Variants in OGT observed in about 807,000 individuals in gnomAD.
OGT encodes the protein O-linked N-acetylglucosamine (GlcNAc) transferase, also known as UDP-N-acetylglucosamine--peptide N-acetylglucosaminyltransferase 110 kDa subunit.
Under a neutral mutation model 75.8 loss-of-function variants are expected in OGT, and 3 were observed. The ratio of observed to expected loss-of-function variants is 0.04; its 90% confidence interval spans 0.02 to 0.10. The LOEUF (loss-of-function observed/expected upper bound fraction) is 0.10. OGT is among the 10% of genes least tolerant of loss of function. The probability of loss-of-function intolerance (pLI) is 1.00; values close to 1 mark genes in which losing one functional copy is unlikely to be tolerated. For missense variants in OGT, 260 were observed against 824.4 expected (o/e 0.32, Z 8.38); for synonymous variants, 257 against 289.7 (o/e 0.89, Z 1.15).
intron 5 of OGT, among the ~76,000 whole-genome samples, chrX:71,550,488 A>G (rs1341954930): frequency 9.0e-6 from 1 of 111,051 alleles, no homozygotes; most frequent in Non-Finnish European, 1.9e-5. Flanking sequence ...GGCTCAAGTG[A>G]TCCTCCCACC....
intron 7 of OGT, 94 bp from the exon 8 acceptor site, chrX:71,555,860 C>A: frequency 9.9e-7 from 1 of 1,014,928 alleles, no homozygotes; most frequent in Non-Finnish European, 1.3e-6. Context: ...GTAGCATTAC[C>A]AGCCATTAGG....
intron 2 of OGT, 163 bp downstream of exon 2, chrX:71,536,521 A>G (rs1036220154): frequency 2.7e-6 from 1 of 374,281 alleles, no homozygotes; most frequent in Non-Finnish European, 4.5e-6. Context: ...CCCAGCTGCC[A>G]GTTTTTCTCC....
intron 4 of OGT, chrX:71,546,435 T>TC (rs2040259464): frequency 2.7e-6 from 2 of 751,262 alleles, no homozygotes; most frequent in Admixed American, 1.8e-4. Context: ...ACACACAACC[T>TC]CCTCCTCCTC....
rs1157508212 is a variant in OGT at position 71,557,311 on chromosome X, G to A, written c.1422+15G>A. ...ATTGCCTGCAGGTAAAGAATAACAG[G>A]CCAGTAATTGGCTCTCAGTGTTGTA... On this transcript the variant is annotated intron_variant, in intron 11 of 21. Transcript: ENST00000373719. 2.6e-6 allele frequency: 3 copies of A among 1,141,283 alleles called. No individual in the cohort carries two copies. Among genetic ancestry groups the A allele is most frequent in the Admixed American group, 4.6e-5 (2 of 43,698 alleles). The allele number at this position is 1,141,283 out of a possible 1,213,427, so 94.1% of individuals were successfully genotyped here.
intron 21 of OGT, among the ~76,000 whole-genome samples, chrX:71,570,485 T>C (rs184785293): frequency 8.9e-6 from 1 of 112,109 alleles, no homozygotes; most frequent in African/African-American, 3.2e-5. Context: ...CTCCTACTTA[T>C]GAGTTTTGAG....
At position 71,562,888 on chromosome X, in the gene OGT, C is replaced by T. The variant is rs2040393691; in HGVS notation, c.2019C>T (p.Phe673=). Residue 673 remains phenylalanine, a synonymous_variant, in exon 16 of 22, where the codon TTC becomes TTT. Transcript: ENST00000373719. ...ACCCTGGGACGAGTGGTGCGCTTTT[C>T]ATGGATTATATTATCACTGATCAGG... ...LGYPGTSGAL[F]MDYIITDQET... is the part of the protein sequence containing the mutation. 1 of 1,198,639 alleles carries T rather than the reference C, an allele frequency of 8.3e-7. No individual in the cohort carries two copies. The highest frequency in any genetic ancestry group is 1.1e-6 in the Non-Finnish European group (1 of 885,733).
intron 5 of OGT, among the ~76,000 whole-genome samples, chrX:71,552,707 C>T (rs1260684701): frequency 1.9e-5 from 2 of 105,055 alleles, no homozygotes; most frequent in Admixed American, 2.0e-4. Flanking sequence ...GAAGGAATTG[C>T]TGTCTTTTTT....
intron 21 of OGT, 122 bp downstream of exon 21, chrX:71,568,238 G>A: frequency 1.9e-6 from 1 of 517,165 alleles, no homozygotes; most frequent in Non-Finnish European, 2.9e-6. Flanking sequence ...CCCTCTGGAT[G>A]GGAGAAGTAC....
In OGT at chrX:71,556,241, TATG is replaced by T; in HGVS notation, c.1065+151_1065+153del. 6.5e-6 allele frequency: 4 copies of T among 612,920 alleles called. No homozygotes were observed. In the South Asian group the frequency reaches 1.4e-4, roughly 22 times the overall value. 50.5% of individuals were successfully genotyped at this position (612,920 alleles called of 1,213,427 possible). A position where few individuals can be genotyped will look rare whatever the true frequency, so the allele number is the denominator to read the frequency against. On this transcript the variant is annotated intron_variant, in intron 8 of 21. Coordinates refer to ENST00000373719, the MANE Select transcript of OGT (RefSeq NM_181672.3). ...TGAAGTAACAATTGAGTACCTAAGG[TATG>T]ATGTGAGGCCCTATGTGACATTCCA...
chrX:71,551,935 C>T (rs1404746349), intron 5 of OGT, among the ~76,000 whole-genome samples: 1 of 110,693 alleles, frequency 9.0e-6, no homozygotes, highest in African/African-American at 3.3e-5. Context: ...AGGCCGGGTG[C>T]GGTAGCTCAC....
chrX:71,536,227 T>C lies in OGT; in HGVS notation c.87T>C (p.His29=), dbSNP rs751603587. The C allele has an allele frequency of 2.5e-6, 3 of 1,209,659 alleles. No individual in the cohort carries two copies. The Admixed American group carries it at 6.6e-5, about 26-fold the overall frequency. ...TCCAAGGGTTAGCTGAGTTGGCACATCGAGAATATCAGGCAGGAGATTTTG... is the reference window on the plus strand; with the variant it reads ...TCCAAGGGTTAGCTGAGTTGGCACACCGAGAATATCAGGCAGGAGATTTTG... ...LSFQGLAELA[H]REYQAGDFEA... is the part of the protein sequence containing the mutation. Residue 29 remains histidine (H), a synonymous_variant, in exon 2 of 22, where the codon CAT becomes CAC. Transcript: ENST00000373719.
At chrX:71,547,652 G>C in intron 4 of OGT, 1 of 1,006,974 alleles carries the variant, frequency 9.9e-7, no homozygotes, top group South Asian at 2.8e-5. Flanking sequence ...GTTGGTCTTT[G>C]GTTGGCAGAA....
Position 71,573,980 on chromosome X carries a change from A to C in OGT, c.*186A>C. The stretch of plus-strand genomic sequence containing the variant: ...GGTAGGGAGAGACACAAAAGATGGG[A>C]AACTGCTTTTCCACAAGGAATCTCC... On this transcript the variant is annotated 3_prime_UTR_variant, in exon 22 of 22. Transcript: ENST00000373719. 1 of 340,849 alleles carries C rather than the reference A, an allele frequency of 2.9e-6. No individual in the cohort carries two copies. Among genetic ancestry groups the C allele is most frequent in the Admixed American group, 5.4e-5 (1 of 18,640 alleles). The allele number at this position is 340,849 out of a possible 1,213,427, so 28.1% of individuals were successfully genotyped here.
chrX:71,566,212 G>C (rs1377068194), intron 19 of OGT, among the ~76,000 whole-genome samples: 4 of 111,860 alleles, frequency 3.6e-5, no homozygotes, highest in African/African-American at 1.3e-4. Context: ...CTTACTTCCT[G>C]ATGTTCACAA....
intron 5 of OGT, among the ~76,000 whole-genome samples, chrX:71,553,295 T>C (rs768198154): frequency 8.4e-4 from 94 of 111,646 alleles, no homozygotes; most frequent in African/African-American, 2.9e-3. Context: ...GGTTTCGCCA[T>C]GTTGGCCAGG....
At chrX:71,572,910 C>A (rs2147698544) in intron 21 of OGT, among the ~76,000 whole-genome samples, 1 of 112,012 alleles carries the variant, frequency 8.9e-6, no homozygotes, top group East Asian at 2.8e-4. Context: ...AATCTTTTCC[C>A]CTGTGTTTCC....
chrX:71,562,009 A>T (rs906052661), intron 15 of OGT, 109 bp downstream of exon 15: 1 of 801,470 alleles, frequency 1.2e-6, no homozygotes, highest in East Asian at 3.4e-5. Flanking sequence ...TAGGGCAGAC[A>T]TACTTTTAAT....
At chrX:71,551,477 CA>C (rs2040303660) in intron 5 of OGT, among the ~76,000 whole-genome samples, 1 of 111,204 alleles carries the variant, frequency 9.0e-6, no homozygotes, top group African/African-American at 3.3e-5. Context: ...ACTAAAAATA[CA>C]AAAATTAGCC....
At chrX:71,535,189 T>C (rs772967030) in intron 1 of OGT, among the ~76,000 whole-genome samples, 1 of 109,526 alleles carries the variant, frequency 9.1e-6, no homozygotes, top group Non-Finnish European at 1.9e-5. Flanking sequence ...TTTATGTATC[T>C]GGATTAAGTC....
Sources: gnomAD v4.1 joint callset for allele counts (sites outside exome capture counted in the v4.1 genomes callset) on GRCh38, gnomAD v4.1.1 for gene constraint, MANE v1.5 for transcripts, NCBI Gene and HGNC (gene_info 2026-07-23, HGNC 2026-07-21) for gene names.